The following MYOF variants were observed in gnomAD, a reference collection of about 807,000 sequenced individuals.
The protein encoded by MYOF is fer-1-like 3, myoferlin.
In MYOF, 244 loss-of-function variants were observed where a neutral mutation model predicts 284.2. The observed-to-expected ratio is 0.86, with a 90% CI of 0.77 to 0.95. MYOF has a LOEUF of 0.95. Ranked by LOEUF, MYOF falls within the 40% of genes least tolerant of loss-of-function variation. The probability of loss-of-function intolerance (pLI) is 0.00; values close to 1 mark genes in which losing one functional copy is unlikely to be tolerated. For missense variants in MYOF, 2,496 were observed against 2,560.6 expected, an observed-to-expected ratio of 0.97 and a Z score of 0.54; for synonymous variants, 904 against 919.7, an observed-to-expected ratio of 0.98 and a Z score of 0.31.
chr10:93,307,888 G>T (rs1326832292), intron 53 of MYOF, among the ~76,000 whole-genome samples: 2 of 150,608 alleles, frequency 1.3e-5, no homozygotes, highest in South Asian at 4.3e-4. Context: ...GCCTCCCAAA[G>T]TGCTGGGATT....
At chr10:93,425,430 T>G (rs1848545789) in intron 5 of MYOF, among the ~76,000 whole-genome samples, 1 of 152,076 alleles carries the variant, frequency 6.6e-6, no homozygotes, top group Admixed American at 6.5e-5. Flanking sequence ...GAGGACTGAT[T>G]GTCTTGTAGG....
chr10:93,479,579 A>G (rs2057345212), intron 1 of MYOF, among the ~76,000 whole-genome samples: 1 of 152,180 alleles, frequency 6.6e-6, no homozygotes, highest in African/African-American at 2.4e-5. Context: ...CATCTTGCTG[A>G]GAGCAGCTAA....
At chr10:93,308,656 C>T (rs1173610965) in intron 53 of MYOF, among the ~76,000 whole-genome samples, 2 of 150,404 alleles carry the variant, frequency 1.3e-5, no homozygotes, top group Non-Finnish European at 3.0e-5. Flanking sequence ...AGATGACAAA[C>T]TAGAAGTACT....
intron 3 of MYOF, among the ~76,000 whole-genome samples, chr10:93,448,212 A>C (rs2056489970): frequency 7.0e-6 from 1 of 142,754 alleles, no homozygotes; most frequent in African/African-American, 2.6e-5. Flanking sequence ...CTACTCCCTA[A>C]CCCCCCAATG....
chr10:93,395,401 C>T lies in MYOF; in HGVS notation c.1417+741G>A, dbSNP rs150958798. Among the ~76,000 whole-genome samples the T allele has an allele frequency of 2.7e-3, 414 of 152,292 alleles. 2 individuals are homozygous for T. Among genetic ancestry groups the T allele is most frequent in the African/African-American group, 9.7e-3 (402 of 41,550 alleles). On this transcript the variant is annotated intron_variant, in intron 16 of 53. Coordinates refer to ENST00000359263, the MANE Select transcript of MYOF (RefSeq NM_013451.4). ...GACGTTGCAGCGAGCTGAGATCACG[C>T]CACTGCACTCCAGCCTGGGTGACAG...
intron 27 of MYOF, among the ~76,000 whole-genome samples, chr10:93,363,108 T>A (rs1845154422): frequency 6.6e-6 from 1 of 152,212 alleles, no homozygotes; most frequent in Non-Finnish European, 1.5e-5. Context: ...AACCATTTTT[T>A]AAAAGCTCAT....
At chr10:93,453,780 G>C (rs904179273) in intron 2 of MYOF, among the ~76,000 whole-genome samples, 8 of 152,176 alleles carry the variant, frequency 5.3e-5, no homozygotes, top group Admixed American at 5.2e-4. Flanking sequence ...AGCTGCTTGG[G>C]AGGCTGAGTG....
intron 3 of MYOF, among the ~76,000 whole-genome samples, chr10:93,437,076 G>C (rs1849157118): frequency 6.6e-6 from 1 of 152,162 alleles, no homozygotes; most frequent in African/African-American, 2.4e-5. Context: ...AGCCAGTCAT[G>C]CTCCTTTGTC....
chr10:93,406,285 CTT>C (rs1176202957), intron 7 of MYOF, among the ~76,000 whole-genome samples: 1 of 21,834 alleles, frequency 4.6e-5, no homozygotes, highest in African/African-American at 8.2e-5. Context: ...TAGTAAACCT[CTT>C]TTATATATAT....
In MYOF at chr10:93,333,796, G is replaced by A. The variant is rs554218131; in HGVS notation, c.4681C>T (p.Arg1561Ter). 37 of 1,614,126 alleles carry A rather than the reference G, an allele frequency of 2.3e-5. No individual in the cohort carries two copies. Among genetic ancestry groups the A allele is most frequent in the African/African-American group, 8.0e-5 (6 of 75,034 alleles). ...QECTVRIYIV[R>*]GLELQPQDNN... is the part of the protein sequence containing the mutation. The stretch of plus-strand genomic sequence containing the variant: ...TCCTGGGGCTGGAGCTCTAAGCCTC[G>A]AACAATGTAAATCCTAACCGTGCAT... The change falls in exon 42 of 54, where the codon CGA becomes TGA. Residue 1561 changes from arginine to a stop codon, truncating the protein, a stop_gained. Coordinates refer to ENST00000359263, the MANE Select transcript of MYOF (RefSeq NM_013451.4). LOFTEE classifies it high-confidence loss of function.
At chr10:93,433,598 C>A (rs191083211) in intron 3 of MYOF, among the ~76,000 whole-genome samples, 168 of 152,320 alleles carry the variant, frequency 1.1e-3, no homozygotes, top group Non-Finnish European at 2.0e-3. Flanking sequence ...AGAAGAGATT[C>A]CTTATGCCAA....
At position 93,313,190 on chromosome 10, in the gene MYOF, G is replaced by A. The variant is rs138208183; in HGVS notation, c.5719C>T (p.Arg1907Cys). The A allele has an allele frequency of 1.6e-4, 254 of 1,613,228 alleles. No homozygotes were observed. Among genetic ancestry groups the A allele is most frequent in the African/African-American group, 1.2e-3 (91 of 74,990 alleles). ...GATTTTGCAGGAATGATCGTGTGAC[G>A]CAAGTCAAGTTCTAGGAAACCTAGC... is the stretch of plus-strand genomic sequence containing the variant. ...DYLGFLELDL[R>C]HTIIPAKSPE... The change falls in exon 51 of 54, where the codon CGT becomes TGT. Residue 1907 changes from arginine to cysteine, a missense_variant. Around this residue, in one of 3 missense-constraint regions of MYOF, gnomAD observed 2,436 missense variants for 2,480.7 expected, o/e 0.98. Transcript: ENST00000359263.
chr10:93,382,927 G>T (rs574901074), intron 19 of MYOF, among the ~76,000 whole-genome samples: 1 of 151,906 alleles, frequency 6.6e-6, no homozygotes, highest in African/African-American at 2.4e-5. Flanking sequence ...ACTGTGTCTC[G>T]CTCTGTCACC....
At chr10:93,469,657 G>T (rs530592331) in intron 1 of MYOF, among the ~76,000 whole-genome samples, 1 of 152,296 alleles carries the variant, frequency 6.6e-6, no homozygotes, top group Admixed American at 6.5e-5. Context: ...CCAAGAGTAA[G>T]CAGCAGAGCC....
intron 21 of MYOF, among the ~76,000 whole-genome samples, chr10:93,377,879 TAGG>T (rs1403781934): frequency 6.6e-6 from 1 of 152,222 alleles, no homozygotes; most frequent in Admixed American, 6.5e-5. Context: ...TACAGAGGAC[TAGG>T]ATAAACCTTG....
intron 53 of MYOF, among the ~76,000 whole-genome samples, chr10:93,309,428 G>C (rs1329329824): frequency 6.6e-6 from 1 of 152,144 alleles, no homozygotes; most frequent in Non-Finnish European, 1.5e-5. Flanking sequence ...TTATGACTGG[G>C]GTGATTAGGG....
chr10:93,330,937 A>G (rs948861258), intron 43 of MYOF, among the ~76,000 whole-genome samples: 4 of 152,198 alleles, frequency 2.6e-5, no homozygotes, highest in East Asian at 1.9e-4. Flanking sequence ...TCCAATCCCA[A>G]CTTCCAAGAA....
rs761038988 is a variant in MYOF, at chr10:93,374,745, G to A, written c.2301+18C>T. Reference sequence around the variant, plus strand: ...TTCTTCCATATCAGGTGACGTTTGTGTAGTTTAAAAGTCCTACCTCTTCAG... The same window carrying A: ...TTCTTCCATATCAGGTGACGTTTGTATAGTTTAAAAGTCCTACCTCTTCAG... On this transcript the variant is annotated intron_variant, in intron 23 of 53. Transcript: ENST00000359263. The A allele has an allele frequency of 1.2e-6, 2 of 1,608,094 alleles. No individual in the cohort carries two copies. The highest frequency in any genetic ancestry group is 2.7e-5 in the African/African-American group (2 of 74,562).
In MYOF at chr10:93,363,825, T is replaced by C. The variant is rs990138196; in HGVS notation, c.2868+136A>G. The C allele has an allele frequency of 7.8e-6, 5 of 639,822 alleles. No homozygotes were observed. The East Asian group carries it at 1.4e-4, about 18-fold the overall frequency. 39.6% of individuals were successfully genotyped at this position (639,822 alleles called of 1,614,324 possible). A position where few individuals can be genotyped will look rare whatever the true frequency, so the allele number is the denominator to read the frequency against. ...ATTGTGGCACTTGTGTGGCTTAAGC[T>C]ATAAGTGGAAGACTCTTCAGAACAT... is the stretch of plus-strand genomic sequence containing the variant. On this transcript the variant is annotated intron_variant, in intron 27 of 53. Coordinates refer to ENST00000359263, the MANE Select transcript of MYOF (RefSeq NM_013451.4).
Sources: allele counts gnomAD v4.1 joint callset (sites outside exome capture counted in the v4.1 genomes callset), GRCh38; gene constraint gnomAD v4.1.1; regional missense constraint gnomAD v4.1.1; transcripts MANE v1.5; gene names NCBI Gene and HGNC (gene_info 2026-07-23, HGNC 2026-07-21).